Variants in RIC8B observed in about 807,000 individuals in gnomAD.
The protein encoded by RIC8B is chaperone Ric-8B.
In RIC8B, 16 loss-of-function variants were observed where a neutral mutation model predicts 57.5. The ratio of observed to expected loss-of-function variants is 0.28; its 90% confidence interval spans 0.19 to 0.42. The LOEUF (loss-of-function observed/expected upper bound fraction) is 0.42. Among genes scored for constraint, RIC8B ranks in the 10% least tolerant of loss-of-function variants. The pLI, the probability that RIC8B is intolerant of heterozygous loss-of-function variation, is 1.00. For missense variants in RIC8B, 481 were observed against 677.0 expected (o/e 0.71, Z 3.21); for synonymous variants, 216 against 250.8 (o/e 0.86, Z 1.31).
At chr12:106,795,712 C>T (rs545664406) in intron 2 of RIC8B, among the ~76,000 whole-genome samples, 4 of 152,186 alleles carry the variant, frequency 2.6e-5, no homozygotes, top group South Asian at 2.1e-4. Flanking sequence ...GTCTGCAGCT[C>T]GATTTTACAG....
chr12:106,882,775 C>T (rs753855261), intron 9 of RIC8B, among the ~76,000 whole-genome samples: 4 of 152,086 alleles, frequency 2.6e-5, no homozygotes, highest in South Asian at 2.1e-4. Flanking sequence ...CCAGGCATTA[C>T]GTAGAGCCAT....
At chr12:106,787,380 A>G (rs1222562763) in intron 2 of RIC8B, among the ~76,000 whole-genome samples, 1 of 152,228 alleles carries the variant, frequency 6.6e-6, no homozygotes, top group African/African-American at 2.4e-5. Context: ...AGAAGGATCT[A>G]TACCTTAATA....
At chr12:106,838,084 C>T (rs1250027024) in intron 4 of RIC8B, among the ~76,000 whole-genome samples, 1 of 152,096 alleles carries the variant, frequency 6.6e-6, no homozygotes, top group Non-Finnish European at 1.5e-5. Context: ...TTACCATAAT[C>T]AAGGCCATAA....
chr12:106,865,004 A>G (rs1950083952), intron 8 of RIC8B, among the ~76,000 whole-genome samples: 1 of 152,160 alleles, frequency 6.6e-6, no homozygotes, highest in South Asian at 2.1e-4. Context: ...CAGCTGAATA[A>G]TATTCCATGT....
intron 4 of RIC8B, among the ~76,000 whole-genome samples, chr12:106,827,877 T>C (rs114004273): frequency 0.013 from 2,000 of 152,238 alleles, 52 homozygotes; most frequent in African/African-American, 0.046. Context: ...ACAAGTTAAA[T>C]AATCATACAA....
At chr12:106,868,156 C>A (rs1950218755) in intron 8 of RIC8B, 1 of 349,410 alleles carries the variant, frequency 2.9e-6, no homozygotes, top group East Asian at 7.4e-5. Flanking sequence ...CATATAGTGA[C>A]TTTGTATGCT....
chr12:106,851,641 T>C, intron 7 of RIC8B, 47 bp downstream of exon 7: 1 of 1,535,588 alleles, frequency 6.5e-7, no homozygotes, highest in Non-Finnish European at 9.0e-7. Flanking sequence ...TCAGAGGGAC[T>C]TTGAGAAATT....
At chr12:106,797,717 G>A (rs958956247) in intron 2 of RIC8B, among the ~76,000 whole-genome samples, 6 of 152,080 alleles carry the variant, frequency 3.9e-5, no homozygotes, top group African/African-American at 1.4e-4. Context: ...ACCCATCATC[G>A]TTCCAAGTAC....
chr12:106,850,540 C>T (rs547988633), intron 6 of RIC8B, among the ~76,000 whole-genome samples: 1 of 152,148 alleles, frequency 6.6e-6, no homozygotes, highest in Non-Finnish European at 1.5e-5. Flanking sequence ...TTTCATAAGC[C>T]CTCTGGGGAT....
At chr12:106,802,848 T>TAATA (rs2044799176) in intron 2 of RIC8B, among the ~76,000 whole-genome samples, 1 of 152,050 alleles carries the variant, frequency 6.6e-6, no homozygotes, top group East Asian at 1.9e-4. Context: ...CCTCTTGTCC[T>TAATA]GAGTATGTTA....
Position 106,798,099 on chromosome 12 carries a change from G to C in RIC8B, c.132+14055G>C, listed in dbSNP as rs199800608. 813 of 715,816 alleles carry C rather than the reference G, an allele frequency of 1.1e-3. 3 individuals carry two copies. Among genetic ancestry groups the C allele is most frequent in the Non-Finnish European group, 1.7e-3 (654 of 384,370 alleles). 44.3% of individuals were successfully genotyped at this position (715,816 alleles called of 1,614,324 possible). On this transcript the variant is annotated intron_variant, in intron 2 of 9. Coordinates refer to ENST00000392837, the MANE Select transcript of RIC8B (RefSeq NM_001330145.2). The stretch of plus-strand genomic sequence containing the variant: ...GTGACTGAATAAAATAACTAGTGAA[G>C]AAGATAGCTGTGTAGTACTGGCCTT...
At chr12:106,779,884 TTTTTTG>T (rs1298408905) in intron 1 of RIC8B, among the ~76,000 whole-genome samples, 3 of 102,338 alleles carry the variant, frequency 2.9e-5, no homozygotes, top group Admixed American at 9.2e-5. Context: ...TTTTTTTTTT[TTTTTTG>T]TGTGTGTGTG....
intron 2 of RIC8B, chr12:106,798,162 C>T (rs1001037116): frequency 2.7e-5 from 15 of 546,258 alleles, no homozygotes; most frequent in African/African-American, 9.9e-5. Flanking sequence ...TTTGATGCCT[C>T]GGATTCATTT....
intron 2 of RIC8B, among the ~76,000 whole-genome samples, chr12:106,798,953 G>A (rs1267665086): frequency 6.6e-6 from 1 of 152,078 alleles, no homozygotes; most frequent in Non-Finnish European, 1.5e-5. Context: ...CTTGAGTCAT[G>A]TTCTTTTATA....
At chr12:106,846,184 A>C (rs1949180249) in intron 6 of RIC8B, among the ~76,000 whole-genome samples, 1 of 152,164 alleles carries the variant, frequency 6.6e-6, no homozygotes. Flanking sequence ...CTGCCGACTC[A>C]TCTCCTCCTC....
At chr12:106,786,080 A>T (rs1435162490) in intron 2 of RIC8B, among the ~76,000 whole-genome samples, 1 of 148,170 alleles carries the variant, frequency 6.7e-6, no homozygotes, top group Non-Finnish European at 1.5e-5. Flanking sequence ...GGATCTTCCC[A>T]CTTTGACCTC....
chr12:106,819,285 A>T (rs2045729179), intron 3 of RIC8B, among the ~76,000 whole-genome samples: 1 of 152,140 alleles, frequency 6.6e-6, no homozygotes, highest in Non-Finnish European at 1.5e-5. Flanking sequence ...TCTCACTTTA[A>T]ATAAAGAGCA....
chr12:106,796,949 C>G (rs1166532548), intron 2 of RIC8B, among the ~76,000 whole-genome samples: 1 of 152,138 alleles, frequency 6.6e-6, no homozygotes. Context: ...CAGAGAAATG[C>G]AAATCAAAAC....
intron 2 of RIC8B, among the ~76,000 whole-genome samples, chr12:106,792,945 C>T (rs915319477): frequency 2.6e-5 from 4 of 152,150 alleles, no homozygotes; most frequent in South Asian, 2.1e-4. Context: ...CCCTCTAGTC[C>T]CAGTTGGAGT....
Sources: gnomAD v4.1 joint callset for allele counts (sites outside exome capture counted in the v4.1 genomes callset) on GRCh38, gnomAD v4.1.1 for gene constraint, MANE v1.5 for transcripts, NCBI Gene and HGNC (gene_info 2026-07-23, HGNC 2026-07-21) for gene names.